SLC9A9: variants seen among roughly 807,000 people sequenced by gnomAD.
The protein encoded by SLC9A9 is solute carrier family 9 member A9.
In SLC9A9, 62 loss-of-function variants were observed where a neutral mutation model predicts 77.8. The observed-to-expected ratio is 0.80, with a 90% CI of 0.65 to 0.98. SLC9A9 has a LOEUF of 0.98. SLC9A9 is among the 50% of genes least tolerant of loss of function. The pLI is 0.00. For missense variants in SLC9A9, 775 were observed against 774.9 expected (o/e 1.00, Z 0.00); for synonymous variants, 320 against 283.5 (o/e 1.13, Z -1.29).
chr3:143,674,793 C>G (rs1029559022), intron 5 of SLC9A9, among the ~76,000 whole-genome samples: 4 of 151,898 alleles, frequency 2.6e-5, no homozygotes, highest in African/African-American at 9.7e-5. Context: ...AGATGTGCAC[C>G]CTTGAAATTA....
At chr3:143,730,624 A>T (rs1181882764) in intron 4 of SLC9A9, among the ~76,000 whole-genome samples, 1 of 152,196 alleles carries the variant, frequency 6.6e-6, no homozygotes, top group Non-Finnish European at 1.5e-5. Context: ...GTGTTAAATG[A>T]CTTTTCATAT....
chr3:143,553,433 G>A (rs1239132650), intron 8 of SLC9A9, among the ~76,000 whole-genome samples: 3 of 152,146 alleles, frequency 2.0e-5, no homozygotes, highest in Non-Finnish European at 4.4e-5. Context: ...CTCAGACCAA[G>A]GGGATTGAAT....
At chr3:143,595,741 T>C (rs1252369181) in intron 6 of SLC9A9, among the ~76,000 whole-genome samples, 1 of 152,186 alleles carries the variant, frequency 6.6e-6, no homozygotes, top group Non-Finnish European at 1.5e-5. Flanking sequence ...GGAATAAACG[T>C]GGGCAATAAA....
intron 4 of SLC9A9, among the ~76,000 whole-genome samples, chr3:143,729,239 T>A (rs1224388285): frequency 6.6e-6 from 1 of 152,206 alleles, no homozygotes; most frequent in African/African-American, 2.4e-5. Context: ...CCAAATTCTA[T>A]ATCACTGTGT....
Position 143,740,251 on chromosome 3 carries a change from GAT to G in SLC9A9, c.534-46946_534-46945del, listed in dbSNP as rs570683415. ...TTTAGACAAAAAAATGAGAGAGAGA[GAT>G]ATATATATAGCCAAATTATTGTTTT... On this transcript the variant is annotated intron_variant, in intron 4 of 15. Transcript: ENST00000316549. Among the ~76,000 whole-genome samples the G allele has an allele frequency of 2.0e-5, 3 of 152,054 alleles. No homozygotes were observed. In the South Asian group the frequency reaches 6.2e-4, roughly 32 times the overall value.
intron 5 of SLC9A9, among the ~76,000 whole-genome samples, chr3:143,658,048 G>A (rs563670942): frequency 6.6e-6 from 1 of 152,014 alleles, no homozygotes; most frequent in Admixed American, 6.6e-5. Context: ...TGAATTTTTA[G>A]TAGAGATGGA....
intron 6 of SLC9A9, among the ~76,000 whole-genome samples, chr3:143,624,643 A>G (rs964772884): frequency 2.3e-4 from 35 of 152,132 alleles, no homozygotes; most frequent in African/African-American, 8.2e-4. Flanking sequence ...TCTATGACAA[A>G]CCCACAGCCA....
At chr3:143,735,167 T>C (rs1934907815) in intron 4 of SLC9A9, among the ~76,000 whole-genome samples, 1 of 152,214 alleles carries the variant, frequency 6.6e-6, no homozygotes, top group Non-Finnish European at 1.5e-5. Context: ...ATAAATTCTC[T>C]TCTTTTTCTC....
intron 14 of SLC9A9, among the ~76,000 whole-genome samples, chr3:143,334,054 G>A (rs563574268): frequency 6.6e-6 from 1 of 152,324 alleles, no homozygotes; most frequent in South Asian, 2.1e-4. Flanking sequence ...GGTACAAAGA[G>A]CACTGCACTA....
In SLC9A9 at chr3:143,472,405, C is replaced by T. The variant is rs549844380; in HGVS notation, c.1316-5215G>A. Among the ~76,000 whole-genome samples the T allele has an allele frequency of 9.7e-4, 148 of 152,284 alleles. 1 individual carries two copies. Among genetic ancestry groups the T allele is most frequent in the Middle Eastern group, 6.8e-3 (2 of 294 alleles). On this transcript the variant is annotated intron_variant, in intron 11 of 15. Coordinates refer to ENST00000316549, the MANE Select transcript of SLC9A9 (RefSeq NM_173653.4). Reference sequence around the variant, plus strand: ...GAAATAAATGGTGAGGCAAAAGAGACCTTTGTGTACATAATTTTCTATGCC... The same window carrying T: ...GAAATAAATGGTGAGGCAAAAGAGATCTTTGTGTACATAATTTTCTATGCC...
chr3:143,604,357 G>T (rs190341328), intron 6 of SLC9A9, among the ~76,000 whole-genome samples: 2 of 152,330 alleles, frequency 1.3e-5, no homozygotes, highest in East Asian at 3.9e-4. Flanking sequence ...CAAGAAGTAA[G>T]GTTTTCTCTT....
At position 143,848,132 on chromosome 3, in the gene SLC9A9, CA is replaced by C; in HGVS notation, c.175+15del. On this transcript the variant is annotated intron_variant, in intron 1 of 15. Transcript: ENST00000316549. Reference sequence around the variant, plus strand: ...AGCAACAAGTTTCACATCAATCTCACAATTTATGCACTCACCATACACCATT... The same window carrying C: ...AGCAACAAGTTTCACATCAATCTCACATTTATGCACTCACCATACACCATT... 5.0e-6 allele frequency: 8 copies of C among 1,609,802 alleles called. No homozygotes were observed. The highest frequency in any genetic ancestry group is 6.8e-6 in the Non-Finnish European group (8 of 1,176,130).
rs181523797 is a variant in SLC9A9 at position 143,461,223 on chromosome 3, A to G, written c.1469+5814T>C. Among the ~76,000 whole-genome samples the G allele has an allele frequency of 3.3e-5, 5 of 152,318 alleles. No individual in the cohort carries two copies. The East Asian group carries it at 9.6e-4, about 29-fold the overall frequency. On this transcript the variant is annotated intron_variant, in intron 12 of 15. Transcript: ENST00000316549. ...TCTTTTTGAGCTATTGGATAATATA[A>G]TCCTTTTTGTGAGCATTTTTCTTTA... is the stretch of plus-strand genomic sequence containing the variant.
At chr3:143,506,734 C>A (rs1040413563) in intron 9 of SLC9A9, among the ~76,000 whole-genome samples, 5 of 151,900 alleles carry the variant, frequency 3.3e-5, no homozygotes, top group African/African-American at 1.2e-4. Flanking sequence ...TACATTCAAA[C>A]AAGTGTCCTC....
intron 2 of SLC9A9, among the ~76,000 whole-genome samples, chr3:143,816,429 C>T (rs1003280558): frequency 2.6e-5 from 4 of 152,138 alleles, no homozygotes; most frequent in South Asian, 2.1e-4. Context: ...TACCGTTTTA[C>T]GTTTATTGAA....
chr3:143,458,406 C>T (rs1723034), intron 12 of SLC9A9, among the ~76,000 whole-genome samples: 106,843 of 151,990 alleles, frequency 0.7, 38,268 homozygotes, highest in African/African-American at 0.83. Flanking sequence ...CTGATGTCTT[C>T]AGGCAATTTA....
intron 6 of SLC9A9, among the ~76,000 whole-genome samples, chr3:143,588,328 C>T (rs1447732175): frequency 6.6e-6 from 1 of 152,138 alleles, no homozygotes; most frequent in Admixed American, 6.5e-5. Context: ...TGTGCTAACC[C>T]AAATCCTGAC....
intron 5 of SLC9A9, among the ~76,000 whole-genome samples, chr3:143,656,480 T>C (rs1055134049): frequency 2.3e-4 from 35 of 152,212 alleles, no homozygotes; most frequent in Non-Finnish European, 1.2e-4. Flanking sequence ...ACTTTCTTGA[T>C]GCCCTTTCAG....
rs773874013 is a variant in SLC9A9 at position 143,493,688 on chromosome 3, A to G, written c.1280T>C (p.Ile427Thr). The G allele has an allele frequency of 1.9e-6, 3 of 1,614,082 alleles. No individual in the cohort carries two copies. The highest frequency in any genetic ancestry group is 1.7e-6 in the Non-Finnish European group (2 of 1,179,944). The change falls in exon 11 of 16, where the codon ATC (isoleucine) becomes ACC (threonine). Residue 427 changes from isoleucine to threonine, a missense_variant. By Grantham distance (89) the Ile-to-Thr change is moderately conservative. Coordinates refer to ENST00000316549, the MANE Select transcript of SLC9A9 (RefSeq NM_173653.4). ...FLLNLGRKQK[I>T]PWNFQHMMMF... ...CATCATGTGCTGAAAGTTCCAGGGG[A>G]TCTTCTGTTTTCGGCCTAGATTCAG...
Sources: allele counts gnomAD v4.1 joint callset (sites outside exome capture counted in the v4.1 genomes callset), GRCh38; gene constraint gnomAD v4.1.1; transcripts MANE v1.5; gene names NCBI Gene and HGNC (gene_info 2026-07-23, HGNC 2026-07-21).